NEO1: variants seen among roughly 807,000 people sequenced by gnomAD.
The protein encoded by NEO1 is neogenin 1.
Under a neutral mutation model 159.7 loss-of-function variants are expected in NEO1, and 63 were observed. The ratio of observed to expected loss-of-function variants is 0.39; its 90% confidence interval spans 0.32 to 0.49. The LOEUF (loss-of-function observed/expected upper bound fraction) is 0.49, where lower values mean the gene tolerates loss of function less well. Among genes scored for constraint, NEO1 ranks in the 20% least tolerant of loss-of-function variants. The pLI, the probability that NEO1 is intolerant of heterozygous loss-of-function variation, is 0.85. For synonymous variants in NEO1, 633 were observed against 662.0 expected, an observed-to-expected ratio of 0.96 and a Z score of 0.67; for missense variants, 1,615 against 1,831.0, an observed-to-expected ratio of 0.88 and a Z score of 2.15.
At chr15:73,236,578 T>C (rs2150858197) in intron 8 of NEO1, 72 bp downstream of exon 8, 4 of 1,386,046 alleles carry the variant, frequency 2.9e-6, no homozygotes, top group Non-Finnish European at 4.1e-6. Context: ...TCACCCTGGC[T>C]CTTGGTATCT....
intron 8 of NEO1, among the ~76,000 whole-genome samples, chr15:73,237,715 A>G (rs1165005945): frequency 6.6e-6 from 1 of 152,086 alleles, no homozygotes; most frequent in East Asian, 1.9e-4. Flanking sequence ...GGGTAGAGAA[A>G]CATAGTTCTA....
chr15:73,097,564 T>C (rs1473597272), intron 1 of NEO1, among the ~76,000 whole-genome samples: 1 of 151,992 alleles, frequency 6.6e-6, no homozygotes, highest in East Asian at 1.9e-4. Flanking sequence ...TTTTGCCATG[T>C]TGGCCAGGCT....
chr15:73,161,431 A>G (rs1164590561), intron 5 of NEO1, among the ~76,000 whole-genome samples: 1 of 152,084 alleles, frequency 6.6e-6, no homozygotes, highest in Non-Finnish European at 1.5e-5. Context: ...TTGTGCCTCC[A>G]TTTTTTTATT....
intron 5 of NEO1, among the ~76,000 whole-genome samples, chr15:73,155,190 A>G (rs897484891): frequency 1.6e-4 from 24 of 152,042 alleles, no homozygotes; most frequent in African/African-American, 5.8e-4. Context: ...CTTGCTGGAT[A>G]TAAAATTCTT....
intron 7 of NEO1, among the ~76,000 whole-genome samples, chr15:73,218,543 T>G (rs1340005620): frequency 6.6e-6 from 1 of 151,058 alleles, no homozygotes; most frequent in Admixed American, 6.6e-5. Context: ...TCGGCTGTGA[T>G]TCCATCTGGT....
chr15:73,229,048 T>G (rs1395072714), intron 7 of NEO1, among the ~76,000 whole-genome samples: 1 of 152,180 alleles, frequency 6.6e-6, no homozygotes, highest in Non-Finnish European at 1.5e-5. Flanking sequence ...TTTTGATAAT[T>G]GATTTGGCTA....
At chr15:73,273,138 A>G (rs2041251034) in intron 19 of NEO1, among the ~76,000 whole-genome samples, 1 of 151,674 alleles carries the variant, frequency 6.6e-6, no homozygotes, top group Non-Finnish European at 1.5e-5. Context: ...AAAACCTTCC[A>G]CAGTAGAGGG....
chr15:73,204,887 G>A (rs543407384), intron 7 of NEO1, among the ~76,000 whole-genome samples: 1 of 152,114 alleles, frequency 6.6e-6, no homozygotes, highest in Admixed American at 6.6e-5. Context: ...TTAGTGTGAG[G>A]ATTTATGTTA....
intron 7 of NEO1, among the ~76,000 whole-genome samples, chr15:73,225,650 T>C (rs1476091337): frequency 6.6e-6 from 1 of 152,032 alleles, no homozygotes; most frequent in Non-Finnish European, 1.5e-5. Flanking sequence ...CTGTGCCCCA[T>C]CTAACAGCCC....
intron 3 of NEO1, among the ~76,000 whole-genome samples, chr15:73,125,097 A>G (rs2030005257): frequency 6.6e-6 from 1 of 152,212 alleles, no homozygotes; most frequent in African/African-American, 2.4e-5. Context: ...TTGTAGTGTC[A>G]AAAGGTGAGA....
chr15:73,074,897 A>T (rs2068697549), intron 1 of NEO1, among the ~76,000 whole-genome samples: 1 of 152,192 alleles, frequency 6.6e-6, no homozygotes, highest in African/African-American at 2.4e-5. Flanking sequence ...AATTATGATC[A>T]TGAGAACATG....
chr15:73,293,045 T>A (rs1044315102), intron 25 of NEO1, among the ~76,000 whole-genome samples: 2 of 152,218 alleles, frequency 1.3e-5, no homozygotes, highest in African/African-American at 4.8e-5. Context: ...ACTCATGTAA[T>A]CCATGTTTAT....
intron 26 of NEO1, 60 bp downstream of exon 26, chr15:73,293,608 T>TG: frequency 3.9e-6 from 6 of 1,555,774 alleles, no homozygotes; most frequent in Non-Finnish European, 5.3e-6. Context: ...CAAGCAGAAA[T>TG]GGGGAAGGAC....
At chr15:73,088,257 A>G (rs74923401) in intron 1 of NEO1, among the ~76,000 whole-genome samples, 1 of 152,014 alleles carries the variant, frequency 6.6e-6, no homozygotes. Flanking sequence ...AAATTTTTCT[A>G]TGAGACATCT....
At chr15:73,265,959 G>GT (rs1327700650) in intron 15 of NEO1, among the ~76,000 whole-genome samples, 1 of 152,322 alleles carries the variant, frequency 6.6e-6, no homozygotes, top group East Asian at 1.9e-4. Flanking sequence ...AAAGGGGTTT[G>GT]TTTAATTCCA....
intron 1 of NEO1, among the ~76,000 whole-genome samples, chr15:73,068,525 C>G (rs542681021): frequency 6.6e-6 from 1 of 152,068 alleles, no homozygotes; most frequent in Non-Finnish European, 1.5e-5. Context: ...TTCTGTCCCT[C>G]ATCTCTAATC....
rs1375354014 is a variant in NEO1 at position 73,123,046 on chromosome 15, A to G, written c.724+246A>G. Among the ~76,000 whole-genome samples the G allele has an allele frequency of 2.6e-5, 4 of 151,460 alleles. No homozygotes were observed. The East Asian group carries it at 5.8e-4, about 22-fold the overall frequency. On this transcript the variant is annotated intron_variant, in intron 3 of 28. Transcript: ENST00000261908. ...GTGGCAGGCGCTTATAACTCCAGCT[A>G]CTCTGGAGGCTGAGGAAGGAGAATT...
chr15:73,263,596 G>A (rs957089989), intron 15 of NEO1, among the ~76,000 whole-genome samples: 8 of 151,954 alleles, frequency 5.3e-5, no homozygotes, highest in Admixed American at 1.3e-4. Flanking sequence ...TTGGATTATC[G>A]TTATAGATCT....
chr15:73,177,828 A>G (rs2035369399), intron 6 of NEO1, among the ~76,000 whole-genome samples: 1 of 152,220 alleles, frequency 6.6e-6, no homozygotes, highest in Non-Finnish European at 1.5e-5. Flanking sequence ...GGTGTGAGCC[A>G]CTGCTCCTGG....
Sources: allele counts gnomAD v4.1 joint callset (sites outside exome capture counted in the v4.1 genomes callset), GRCh38; gene constraint gnomAD v4.1.1; transcripts MANE v1.5; gene names NCBI Gene and HGNC (gene_info 2026-07-23, HGNC 2026-07-21).